Variants in RALGAPA1 observed in about 807,000 individuals in gnomAD.
The protein encoded by RALGAPA1 is Ral GTPase activating protein catalytic subunit alpha 1.
In RALGAPA1, 52 loss-of-function variants were observed where a neutral mutation model predicts 269.6. The ratio of observed to expected loss-of-function variants is 0.19; its 90% CI spans 0.15 to 0.24. The LOEUF (loss-of-function observed/expected upper bound fraction) is 0.24, where lower values mean the gene tolerates loss of function less well. Among genes scored for constraint, RALGAPA1 ranks in the 10% least tolerant of loss-of-function variants. RALGAPA1 has a pLI of 1.00. For missense variants in RALGAPA1, 1,917 were observed against 3,013.9 expected (o/e 0.64, Z 8.52); for synonymous variants, 817 against 1,008.3 (o/e 0.81, Z 3.60).
chr14:35,658,075 T>C (rs2063315617), intron 28 of RALGAPA1, among the ~76,000 whole-genome samples: 1 of 152,202 alleles, frequency 6.6e-6, no homozygotes, highest in Admixed American at 6.5e-5. Flanking sequence ...CATCAGTATC[T>C]GGCTAGCAAA....
In RALGAPA1 at chr14:35,786,070, T is replaced by C. The variant is rs865783728; in HGVS notation, c.107-10325A>G. On this transcript the variant is annotated intron_variant, in intron 1 of 41. Coordinates refer to ENST00000680220, the MANE Select transcript of RALGAPA1 (RefSeq NM_001346249.2). ...TACTCAGGAGGCTGAGCTGGGAGAA[T>C]TGCTTGAGCCTGGGAGGCAGAGGTT... Among the ~76,000 whole-genome samples, 33 of 152,100 alleles carry C rather than the reference T, an allele frequency of 2.2e-4. No homozygotes were observed. The Middle Eastern group carries it at 0.01, about 47-fold the overall frequency.
intron 36 of RALGAPA1, among the ~76,000 whole-genome samples, chr14:35,605,142 T>G (rs2059519671): frequency 6.6e-6 from 1 of 152,166 alleles, no homozygotes; most frequent in South Asian, 2.1e-4. Context: ...GCAGTATGCT[T>G]TTCTTTTACA....
Position 35,636,710 on chromosome 14 carries a change from G to A in RALGAPA1, c.5677-1112C>T, listed in dbSNP as rs539344513. 3.2e-4 allele frequency among the ~76,000 whole-genome samples: 49 copies of A among 152,144 alleles called. No individual in the cohort carries two copies. In the Middle Eastern group the frequency reaches 0.01, roughly 32 times the overall value. On this transcript the variant is annotated intron_variant, in intron 31 of 41. Coordinates refer to ENST00000680220, the MANE Select transcript of RALGAPA1 (RefSeq NM_001346249.2). ...TAAGTTTTGTATTTTTAGGAGAGAC[G>A]AGGTTTTGCCACGTTGGCCAGGCTG...
At chr14:35,710,696 T>C (rs1027303852) in intron 16 of RALGAPA1, among the ~76,000 whole-genome samples, 6 of 152,250 alleles carry the variant, frequency 3.9e-5, no homozygotes, top group Non-Finnish European at 7.3e-5. Context: ...TTATGGATTA[T>C]AAAACTCAAT....
intron 18 of RALGAPA1, among the ~76,000 whole-genome samples, chr14:35,687,618 C>T (rs1449974756): frequency 6.6e-6 from 1 of 152,138 alleles, no homozygotes; most frequent in African/African-American, 2.4e-5. Context: ...AACCTTACTG[C>T]TGAAAGTTAA....
At chr14:35,663,307 C>T (rs1259277271) in intron 27 of RALGAPA1, among the ~76,000 whole-genome samples, 1 of 151,720 alleles carries the variant, frequency 6.6e-6, no homozygotes, top group Admixed American at 6.6e-5. Flanking sequence ...ACATTGAACA[C>T]GTAATTACAA....
intron 33 of RALGAPA1, 93 bp downstream of exon 33, chr14:35,634,481 T>C: frequency 1.0e-6 from 1 of 987,688 alleles, no homozygotes; most frequent in Non-Finnish European, 1.4e-6. Flanking sequence ...AAGTAAGACA[T>C]ACTCTCCTTC....
chr14:35,571,111 G>T (rs2057154171), intron 38 of RALGAPA1, among the ~76,000 whole-genome samples: 2 of 152,160 alleles, frequency 1.3e-5, no homozygotes, highest in Non-Finnish European at 2.9e-5. Flanking sequence ...TTATAGGCAA[G>T]AAGTTAGTTT....
chr14:35,751,769 G>A (rs1208607881), intron 8 of RALGAPA1, among the ~76,000 whole-genome samples: 4 of 150,410 alleles, frequency 2.7e-5, no homozygotes, highest in South Asian at 2.1e-4. Context: ...GGGTGACAGA[G>A]TGAGTCCCTG....
At chr14:35,742,852 C>T (rs954230571) in intron 10 of RALGAPA1, among the ~76,000 whole-genome samples, 10 of 150,390 alleles carry the variant, frequency 6.6e-5, no homozygotes, top group Middle Eastern at 3.5e-3. Flanking sequence ...GCTATATGTA[C>T]ACTTAAGAAA....
intron 35 of RALGAPA1, among the ~76,000 whole-genome samples, chr14:35,607,228 T>C (rs996454517): frequency 3.9e-5 from 6 of 152,194 alleles, no homozygotes; most frequent in East Asian, 3.8e-4. Flanking sequence ...TTACAACTTG[T>C]TTCCTTGCCC....
intron 1 of RALGAPA1, among the ~76,000 whole-genome samples, chr14:35,779,904 A>C (rs1414501490): frequency 2.0e-5 from 3 of 152,152 alleles, no homozygotes; most frequent in Admixed American, 2.0e-4. Flanking sequence ...TGGGCGGATC[A>C]TGAGGTTAAG....
intron 27 of RALGAPA1, 145 bp from the exon 28 acceptor site, chr14:35,659,341 CTAAA>C (rs1432910952): frequency 1.1e-5 from 5 of 472,198 alleles, no homozygotes; most frequent in South Asian, 5.4e-5. Context: ...ATAAAAGTAG[CTAAA>C]TAAATAAAAG....
intron 39 of RALGAPA1, among the ~76,000 whole-genome samples, chr14:35,554,775 A>G (rs1367650092): frequency 6.6e-6 from 1 of 152,202 alleles, no homozygotes; most frequent in African/African-American, 2.4e-5. Context: ...TGAAATTTTT[A>G]TGATCCATTT....
At position 35,539,560 on chromosome 14, in the gene RALGAPA1, G is replaced by T. The variant is rs1222952298; in HGVS notation, c.*154C>A. On this transcript the variant is annotated 3_prime_UTR_variant, in exon 42 of 42. Transcript: ENST00000680220. ...TGTCTCCTTAGGATTTATTGGCTGA[G>T]CCAGAGGAACGACGCAGCTTCATGG... 6.2e-7 allele frequency: 1 copy of T among 1,612,704 alleles called. No homozygotes were observed. Among genetic ancestry groups the T allele is most frequent in the African/African-American group, 1.3e-5 (1 of 75,000 alleles).
At chr14:35,765,462 T>G (rs1029263328) in intron 4 of RALGAPA1, among the ~76,000 whole-genome samples, 6 of 151,982 alleles carry the variant, frequency 3.9e-5, no homozygotes, top group African/African-American at 1.5e-4. Context: ...TATTTAATAT[T>G]GATAAATATT....
chr14:35,697,148 C>T (rs1429827125), intron 17 of RALGAPA1, among the ~76,000 whole-genome samples: 2 of 152,276 alleles, frequency 1.3e-5, no homozygotes, highest in Admixed American at 6.5e-5. Flanking sequence ...TTCCAAGAAT[C>T]GCAGAGGCAA....
chr14:35,716,397 CAAAAAAAAA>C (rs78953823), intron 16 of RALGAPA1, among the ~76,000 whole-genome samples: 1 of 44,618 alleles, frequency 2.2e-5, no homozygotes, highest in African/African-American at 8.0e-5. Flanking sequence ...GACTCCGTCT[CAAAAAAAAA>C]AAAAAAAAAA....
intron 41 of RALGAPA1, chr14:35,541,764 C>A (rs140899909): frequency 2.2e-6 from 1 of 456,964 alleles, no homozygotes; most frequent in South Asian, 1.5e-5. Flanking sequence ...TGTTTTCTAG[C>A]GGAGGTTTTG....
Sources: gnomAD v4.1 joint callset for allele counts (sites outside exome capture counted in the v4.1 genomes callset) on GRCh38, gnomAD v4.1.1 for gene constraint, MANE v1.5 for transcripts, NCBI Gene and HGNC (gene_info 2026-07-23, HGNC 2026-07-21) for gene names.